Variants in ACACB observed in about 807,000 individuals in gnomAD.
ACACB encodes acetyl-CoA carboxylase 2.
ACACB carries 209 observed loss-of-function variants against 278.8 expected under a neutral mutation model. The observed-to-expected ratio is 0.75, with a 90% CI of 0.67 to 0.84. ACACB has a LOEUF of 0.84. Ranked by LOEUF, ACACB falls within the 40% of genes least tolerant of loss-of-function variation. The pLI is 0.00. For missense variants in ACACB, 2,850 were observed against 3,269.0 expected, an observed-to-expected ratio of 0.87 and a Z score of 3.13; for synonymous variants, 1,174 against 1,285.6, an observed-to-expected ratio of 0.91 and a Z score of 1.86.
chr12:109,219,283 T>A (rs1287062404), intron 24 of ACACB, among the ~76,000 whole-genome samples: 1 of 152,174 alleles, frequency 6.6e-6, no homozygotes, highest in Non-Finnish European at 1.5e-5. Flanking sequence ...GAATAGTTAA[T>A]ACCCTGTCCC....
At chr12:109,221,891 T>A (rs1211571200) in intron 24 of ACACB, among the ~76,000 whole-genome samples, 1 of 144,076 alleles carries the variant, frequency 6.9e-6, no homozygotes, top group Non-Finnish European at 1.5e-5. Flanking sequence ...TTTTTTTTTT[T>A]TTTGGGGGGG....
At chr12:109,130,245 C>A (rs2042789133) in intron 1 of ACACB, among the ~76,000 whole-genome samples, 1 of 152,190 alleles carries the variant, frequency 6.6e-6, no homozygotes, top group African/African-American at 2.4e-5. Context: ...ACTCATTGAA[C>A]TCTTAACAGC....
At chr12:109,137,181 A>T (rs79898952) in intron 1 of ACACB, among the ~76,000 whole-genome samples, 1 of 152,146 alleles carries the variant, frequency 6.6e-6, no homozygotes, top group East Asian at 1.9e-4. Context: ...TTTAAAAAAA[A>T]CACATGATGA....
intron 1 of ACACB, among the ~76,000 whole-genome samples, chr12:109,128,478 C>A (rs1593363214): frequency 6.6e-6 from 1 of 152,098 alleles, no homozygotes; most frequent in Non-Finnish European, 1.5e-5. Context: ...GCTGGGATTA[C>A]AGGCACCCAC....
intron 4 of ACACB, among the ~76,000 whole-genome samples, 166 bp from the exon 5 acceptor site, chr12:109,171,639 C>T (rs569296203): frequency 1.1e-3 from 168 of 152,236 alleles, no homozygotes; most frequent in African/African-American, 3.9e-3. Context: ...CGTGAGCCAC[C>T]ACGCCTGGCC....
intron 7 of ACACB, 77 bp from the exon 8 acceptor site, chr12:109,175,854 G>C (rs2044266122): frequency 1.6e-6 from 2 of 1,261,658 alleles, no homozygotes; most frequent in East Asian, 2.3e-5. Context: ...TGTCAGCAGG[G>C]AGAGGCGCTG....
chr12:109,199,785 G>A (rs1324615514), intron 18 of ACACB, among the ~76,000 whole-genome samples: 1 of 152,116 alleles, frequency 6.6e-6, no homozygotes, highest in South Asian at 2.1e-4. Context: ...AGGCTGAGGC[G>A]GGCGGATCAC....
chr12:109,134,544 G>A (rs1055643805), intron 1 of ACACB, among the ~76,000 whole-genome samples: 2 of 152,184 alleles, frequency 1.3e-5, no homozygotes, highest in Non-Finnish European at 2.9e-5. Context: ...GTGTGAGCCA[G>A]CTGTTTCAGG....
chr12:109,193,604 T>C, intron 15 of ACACB, 44 bp from the exon 16 acceptor site: 1 of 1,488,274 alleles, frequency 6.7e-7, no homozygotes, highest in Non-Finnish European at 9.4e-7. Flanking sequence ...TGTGGAGTTC[T>C]CAGTCCCTCC....
intron 48 of ACACB, among the ~76,000 whole-genome samples, chr12:109,261,071 G>A (rs922939013): frequency 9.2e-5 from 14 of 152,262 alleles, no homozygotes; most frequent in South Asian, 2.1e-4. Context: ...CCGGTTCTTC[G>A]CGGGAGAGGT....
At chr12:109,254,542 G>T (rs1375752206) in intron 44 of ACACB, among the ~76,000 whole-genome samples, 1 of 151,850 alleles carries the variant, frequency 6.6e-6, no homozygotes, top group Non-Finnish European at 1.5e-5. Flanking sequence ...CCAAGAAGGG[G>T]TGGAAACAGC....
At chr12:109,114,566 C>G (rs1265494022), upstream of ACACB, among the ~76,000 whole-genome samples, 1 of 151,666 alleles carries the variant, frequency 6.6e-6, no homozygotes, top group African/African-American at 2.4e-5. Context: ...TTTTTTGGGC[C>G]AGGTACAGTG....
chr12:109,232,874 C>T, intron 29 of ACACB, 68 bp downstream of exon 29: 2 of 1,583,140 alleles, frequency 1.3e-6, no homozygotes, highest in South Asian at 1.1e-5. Context: ...TTGAATCCCC[C>T]CCCAATTCAC....
At chr12:109,228,423 G>A (rs1386614477) in intron 28 of ACACB, among the ~76,000 whole-genome samples, 1 of 151,936 alleles carries the variant, frequency 6.6e-6, no homozygotes, top group Non-Finnish European at 1.5e-5. Context: ...GAGGGCTGAA[G>A]GGGGCAGATC....
intron 24 of ACACB, among the ~76,000 whole-genome samples, chr12:109,222,294 C>CAAGT (rs1555225864): frequency 6.6e-6 from 1 of 150,862 alleles, no homozygotes; most frequent in Non-Finnish European, 1.5e-5. Context: ...AATGGGTGGC[C>CAAGT]GAGTGAGTGA....
intron 19 of ACACB, among the ~76,000 whole-genome samples, chr12:109,205,409 G>A (rs1196145406): frequency 6.6e-6 from 1 of 152,084 alleles, no homozygotes; most frequent in Non-Finnish European, 1.5e-5. Context: ...GGACCCACAT[G>A]GAGAAGCTAT....
intron 4 of ACACB, among the ~76,000 whole-genome samples, chr12:109,170,890 G>A (rs553175537): frequency 1.9e-4 from 29 of 151,990 alleles, no homozygotes; most frequent in African/African-American, 3.6e-4. Context: ...AGGCTGGAGC[G>A]CAGTGACATG....
rs763514954 is a variant in ACACB at position 109,139,604 on chromosome 12, C to G, written c.199C>G (p.Leu67Val). The G allele has an allele frequency of 9.3e-6, 15 of 1,614,032 alleles. No homozygotes were observed. Among genetic ancestry groups the G allele is most frequent in the Admixed American group, 6.7e-5 (4 of 60,000 alleles). Residue 67 changes from leucine to valine, a missense_variant, in exon 2 of 53, where the codon CTG (leucine) becomes GTG (valine). Around this residue, in one of 3 missense-constraint regions of ACACB, gnomAD observed 2,265 missense variants for 2,561.3 expected, o/e 0.88. Transcript: ENST00000338432. ...TPQRNGEGHT[L>V]PKTPSQAEPA... ...GCAGAGAAATGGGGAGGGCCACACTCTGCCCAAGACACCCAGCCAGGCCGA... is the reference window on the plus strand; with the variant it reads ...GCAGAGAAATGGGGAGGGCCACACTGTGCCCAAGACACCCAGCCAGGCCGA...
intron 9 of ACACB, among the ~76,000 whole-genome samples, chr12:109,177,243 T>G (rs371401391): frequency 3.9e-5 from 6 of 152,262 alleles, no homozygotes; most frequent in Admixed American, 1.3e-4. Context: ...AATAGCCTTA[T>G]TTATGAAACC....
Sources: gnomAD v4.1 joint callset for allele counts (sites outside exome capture counted in the v4.1 genomes callset) on GRCh38, gnomAD v4.1.1 for gene constraint, gnomAD v4.1.1 regional missense constraint, MANE v1.5 for transcripts, NCBI Gene and HGNC (gene_info 2026-07-23, HGNC 2026-07-21) for gene names.